DCC: variants seen among roughly 807,000 people sequenced by gnomAD.
DCC encodes netrin receptor DCC.
A neutral mutation model predicts 172.5 loss-of-function variants in DCC; 58 were observed. That is an observed-to-expected ratio of 0.34 (90% CI 0.27 to 0.42). The LOEUF is 0.42. Among genes scored for constraint, DCC ranks in the 10% least tolerant of loss-of-function variants. The pLI is 1.00. For synonymous variants in DCC, 709 were observed against 644.5 expected (o/e 1.10, Z -1.52); for missense variants, 1,740 against 1,791.0 (o/e 0.97, Z 0.51).
intron 5 of DCC, among the ~76,000 whole-genome samples, chr18:53,017,116 C>A (rs139844193): frequency 2.7e-4 from 38 of 142,862 alleles, no homozygotes; most frequent in African/African-American, 9.4e-4. Context: ...CTCACTGTTA[C>A]CCAGGCTGGA....
chr18:52,823,802 C>T (rs2038454637), intron 2 of DCC, among the ~76,000 whole-genome samples: 1 of 152,114 alleles, frequency 6.6e-6, no homozygotes, highest in South Asian at 2.1e-4. Context: ...CAGGGGGTGT[C>T]CTGTACGGGA....
chr18:53,421,170 T>C (rs1320692626), intron 21 of DCC, among the ~76,000 whole-genome samples: 1 of 152,218 alleles, frequency 6.6e-6, no homozygotes, highest in African/African-American at 2.4e-5. Flanking sequence ...TTTGCATCGT[T>C]ATGTCCCATT....
chr18:52,419,373 C>A (rs1166469075), intron 1 of DCC: 1 of 152,132 alleles, frequency 6.6e-6, no homozygotes, highest in East Asian at 1.9e-4. Flanking sequence ...GCACATACCT[C>A]TGCCCACTCT....
intron 1 of DCC, among the ~76,000 whole-genome samples, chr18:52,593,649 T>G (rs1472355358): frequency 2.6e-5 from 4 of 152,210 alleles, no homozygotes; most frequent in Non-Finnish European, 1.5e-5. Flanking sequence ...TATGATAAGT[T>G]TCATCAGCCT....
chr18:53,357,053 C>CA (rs773655511), intron 15 of DCC, among the ~76,000 whole-genome samples: 5 of 152,124 alleles, frequency 3.3e-5, no homozygotes, highest in Admixed American at 1.3e-4. Flanking sequence ...TTGATCCAGG[C>CA]AAGCGGGATA....
intron 27 of DCC, among the ~76,000 whole-genome samples, chr18:53,508,222 T>C (rs2046207404): frequency 6.9e-6 from 1 of 143,924 alleles, no homozygotes; most frequent in Non-Finnish European, 1.5e-5. Flanking sequence ...AGACAGTCTC[T>C]TACTCTGTCA....
chr18:52,378,492 T>A (rs1382901646), intron 1 of DCC, among the ~76,000 whole-genome samples: 1 of 152,130 alleles, frequency 6.6e-6, no homozygotes, highest in Non-Finnish European at 1.5e-5. Context: ...GAGTATAATC[T>A]TGTTTGTGAG....
chr18:53,140,981 C>T (rs532032328), intron 7 of DCC, among the ~76,000 whole-genome samples: 1 of 152,110 alleles, frequency 6.6e-6, no homozygotes, highest in African/African-American at 2.4e-5. Context: ...TTTAATGGCA[C>T]AAGAAGTTCC....
At chr18:52,390,584 C>T (rs1454328168) in intron 1 of DCC, among the ~76,000 whole-genome samples, 1 of 152,082 alleles carries the variant, frequency 6.6e-6, no homozygotes, top group Non-Finnish European at 1.5e-5. Context: ...ATGGCTTCCA[C>T]CTTTTATGCT....
At chr18:53,517,592 C>T (rs56843937) in intron 27 of DCC, among the ~76,000 whole-genome samples, 1,926 of 152,098 alleles carry the variant, frequency 0.013, 39 homozygotes, top group African/African-American at 0.044. Flanking sequence ...AGACAGGTGG[C>T]CCAATGAAAG....
chr18:53,247,524 C>G (rs1470171592), intron 12 of DCC, among the ~76,000 whole-genome samples: 1 of 152,006 alleles, frequency 6.6e-6, no homozygotes, highest in South Asian at 2.1e-4. Context: ...TAGCACAATA[C>G]AGGCTTTGAC....
intron 15 of DCC, among the ~76,000 whole-genome samples, chr18:53,349,568 C>T (rs1346565139): frequency 1.3e-5 from 2 of 152,184 alleles, no homozygotes; most frequent in Admixed American, 6.5e-5. Context: ...ATACCCAAGA[C>T]TGGGCAATTT....
chr18:53,068,269 T>G (rs183129748), intron 7 of DCC, among the ~76,000 whole-genome samples: 1 of 152,138 alleles, frequency 6.6e-6, no homozygotes, highest in Non-Finnish European at 1.5e-5. Flanking sequence ...CTTTTAATTT[T>G]ATTATTATTA....
In DCC at chr18:53,344,445, T is replaced by TC. The variant is rs1156850011; in HGVS notation, c.2359+4538_2359+4539insC. Among the ~76,000 whole-genome samples the TC allele has an allele frequency of 5.4e-4, 74 of 138,244 alleles. No individual in the cohort carries two copies. In the South Asian group the frequency reaches 0.016, roughly 30 times the overall value. 90.7% of individuals were successfully genotyped at this position (138,244 alleles called of 152,430 possible). On this transcript the variant is annotated intron_variant, in intron 15 of 28. Coordinates refer to ENST00000442544, the MANE Select transcript of DCC (RefSeq NM_005215.4). ...TTTTCTTTCTTTTCGTTTTTCTTTTTTTTTTTTTTTTTTTTGAGCCACAGT... is the reference window on the plus strand; with the variant it reads ...TTTTCTTTCTTTTCGTTTTTCTTTTTCTTTTTTTTTTTTTTTGAGCCACAGT...
At position 52,906,250 on chromosome 18, in the gene DCC, A is replaced by G. The variant is rs746538446; in HGVS notation, c.619A>G (p.Ile207Val). The G allele has an allele frequency of 2.0e-5, 32 of 1,613,980 alleles. No homozygotes were observed. In the East Asian group the frequency reaches 2.2e-4, roughly 11 times the overall value. ...GATCAGCCGACTCCAACCGGGGGAC[A>G]TTGGAATTTACCGATGCTCAGCTCG... ...LQISRLQPGD[I>V]GIYRCSARNP... Residue 207 changes from isoleucine to valine, a missense_variant, in exon 3 of 29, where the codon ATT (isoleucine) becomes GTT (valine). Physicochemically the swap from Ile to Val is conservative, Grantham distance 29. This residue lies in a region of DCC where 1,732 missense variants were observed against 1,767.4 expected (regional missense o/e 0.98). Coordinates refer to ENST00000442544, the MANE Select transcript of DCC (RefSeq NM_005215.4).
chr18:52,962,126 A>G (rs1242318092), intron 5 of DCC, among the ~76,000 whole-genome samples: 2 of 150,212 alleles, frequency 1.3e-5, no homozygotes, highest in African/African-American at 4.8e-5. Flanking sequence ...ATTAAACTAA[A>G]GAGCTTCTGC....
intron 1 of DCC, among the ~76,000 whole-genome samples, chr18:52,621,388 G>C (rs2034476349): frequency 1.3e-5 from 2 of 152,174 alleles, no homozygotes; most frequent in Admixed American, 6.5e-5. Context: ...AAAGGAGGTA[G>C]GCTATGGCAA....
chr18:52,453,724 C>T (rs878918691), intron 1 of DCC, among the ~76,000 whole-genome samples: 9 of 152,218 alleles, frequency 5.9e-5, no homozygotes, highest in African/African-American at 1.2e-4. Context: ...ATTTCACATA[C>T]GAGATTTTTT....
intron 9 of DCC, among the ~76,000 whole-genome samples, chr18:53,187,752 T>C (rs561417219): frequency 3.9e-5 from 6 of 152,374 alleles, no homozygotes; most frequent in Admixed American, 1.3e-4. Context: ...TATGTTACTT[T>C]AATTGCCCAA....
Sources: gnomAD v4.1 joint callset for allele counts (sites outside exome capture counted in the v4.1 genomes callset) on GRCh38, gnomAD v4.1.1 for gene constraint, gnomAD v4.1.1 regional missense constraint, MANE v1.5 for transcripts, NCBI Gene and HGNC (gene_info 2026-07-23, HGNC 2026-07-21) for gene names.